Variants in SLC25A33 observed in about 807,000 individuals in gnomAD.
SLC25A33 encodes bone marrow stromal cell mitochondrial carrier protein.
Under a neutral mutation model 35.5 loss-of-function variants are expected in SLC25A33, and 15 were observed. The ratio of observed to expected loss-of-function variants is 0.42; its 90% CI spans 0.28 to 0.65. SLC25A33 has a LOEUF of 0.65. Among genes scored for constraint, SLC25A33 ranks in the 30% least tolerant of loss-of-function variants. SLC25A33 has a pLI of 0.20. For synonymous variants in SLC25A33, 136 were observed against 148.7 expected, an observed-to-expected ratio of 0.91 and a Z score of 0.62; for missense variants, 257 against 398.5, an observed-to-expected ratio of 0.64 and a Z score of 3.02.
intron 1 of SLC25A33, among the ~76,000 whole-genome samples, chr1:9,541,068 G>A (rs2100362905): frequency 6.6e-6 from 1 of 151,478 alleles, no homozygotes; most frequent in East Asian, 1.9e-4. Flanking sequence ...TGCAACTTCC[G>A]CCTCCCGGAT....
intron 2 of SLC25A33, among the ~76,000 whole-genome samples, chr1:9,563,176 G>A (rs1029586087): frequency 1.3e-5 from 2 of 152,094 alleles, no homozygotes; most frequent in African/African-American, 2.4e-5. Flanking sequence ...CGCCCGCCTC[G>A]GCCTCCCAGA....
intron 6 of SLC25A33, 132 bp downstream of exon 6, chr1:9,580,366 A>G (rs532579782): frequency 9.3e-4 from 1,072 of 1,151,264 alleles, no homozygotes; most frequent in Non-Finnish European, 1.2e-3. Context: ...GTATGAGGGA[A>G]ACAGCTCTAA....
At chr1:9,543,111 C>T (rs1396084725) in intron 1 of SLC25A33, among the ~76,000 whole-genome samples, 1 of 151,810 alleles carries the variant, frequency 6.6e-6, no homozygotes, top group Non-Finnish European at 1.5e-5. Flanking sequence ...TGAGCCACCA[C>T]GCCCTGCGTG....
intron 2 of SLC25A33, among the ~76,000 whole-genome samples, chr1:9,563,709 A>C (rs1193770867): frequency 6.6e-6 from 1 of 152,136 alleles, no homozygotes; most frequent in African/African-American, 2.4e-5. Context: ...CATTCTATTA[A>C]CTTTTTTTTT....
intron 1 of SLC25A33, among the ~76,000 whole-genome samples, chr1:9,542,101 G>A (rs1455436166): frequency 6.6e-6 from 1 of 152,152 alleles, no homozygotes; most frequent in Non-Finnish European, 1.5e-5. Context: ...CGGCCAGTGA[G>A]GTGGTCTTTT....
intron 2 of SLC25A33, among the ~76,000 whole-genome samples, chr1:9,560,108 C>A: frequency 6.6e-6 from 1 of 151,832 alleles, no homozygotes; most frequent in African/African-American, 2.4e-5. Context: ...AAAAACCAGC[C>A]GGACATGGCA....
intron 2 of SLC25A33, among the ~76,000 whole-genome samples, chr1:9,564,169 T>C (rs1643465920): frequency 6.6e-6 from 1 of 150,822 alleles, no homozygotes; most frequent in South Asian, 2.1e-4. Flanking sequence ...TGAATAACTG[T>C]GTTGCTGCGG....
At chr1:9,575,704 C>T (rs1474881184) in intron 5 of SLC25A33, among the ~76,000 whole-genome samples, 5 of 152,106 alleles carry the variant, frequency 3.3e-5, no homozygotes, top group Admixed American at 6.6e-5. Flanking sequence ...TCCTAATGAC[C>T]ATGATAACCT....
At chr1:9,557,009 GCACAACC>G (rs1427959900) in intron 2 of SLC25A33, among the ~76,000 whole-genome samples, 2 of 152,108 alleles carry the variant, frequency 1.3e-5, no homozygotes, top group Non-Finnish European at 2.9e-5. Flanking sequence ...CGTGATCTCG[GCACAACC>G]TCCGCCTCCC....
At chr1:9,571,711 C>G (rs1409872671) in intron 4 of SLC25A33, among the ~76,000 whole-genome samples, 2 of 151,934 alleles carry the variant, frequency 1.3e-5, no homozygotes, top group African/African-American at 4.8e-5. Flanking sequence ...GATCTCAGCT[C>G]CCTGCAACCC....
intron 2 of SLC25A33, among the ~76,000 whole-genome samples, chr1:9,562,721 G>C (rs1232372283): frequency 6.6e-6 from 1 of 151,190 alleles, no homozygotes; most frequent in African/African-American, 2.4e-5. Flanking sequence ...GGGCGTAGTG[G>C]CGGGTGCCTG....
chr1:9,564,725 T>TAAAAAAA (rs1553146726), intron 2 of SLC25A33, among the ~76,000 whole-genome samples: 3 of 94,486 alleles, frequency 3.2e-5, no homozygotes, highest in African/African-American at 1.5e-4. Context: ...CGTCTCTATT[T>TAAAAAAA]AAAAAAAAAA....
At chr1:9,563,417 A>G (rs1205836140) in intron 2 of SLC25A33, among the ~76,000 whole-genome samples, 1 of 152,186 alleles carries the variant, frequency 6.6e-6, no homozygotes, top group Non-Finnish European at 1.5e-5. Context: ...TTATACATTC[A>G]GAGAATCTAG....
At chr1:9,541,341 G>T (rs959556040) in intron 1 of SLC25A33, among the ~76,000 whole-genome samples, 1 of 152,142 alleles carries the variant, frequency 6.6e-6, no homozygotes, top group African/African-American at 2.4e-5. Flanking sequence ...AGTAGAGACG[G>T]GGTTTCACCG....
chr1:9,556,153 C>T (rs1050853962), intron 2 of SLC25A33: 22 of 982,412 alleles, frequency 2.2e-5, no homozygotes, highest in Non-Finnish European at 2.7e-5. Flanking sequence ...TGAGAACACT[C>T]CTCCTGCTTT....
chr1:9,554,693 G>A (rs764877713), intron 2 of SLC25A33, among the ~76,000 whole-genome samples: 1 of 152,118 alleles, frequency 6.6e-6, no homozygotes, highest in Non-Finnish European at 1.5e-5. Flanking sequence ...ATTTTTAAAT[G>A]TGTAGAAAAG....
chr1:9,558,858 CCCTCTGCTCAGAT>C (rs1382903825), intron 2 of SLC25A33, among the ~76,000 whole-genome samples: 1 of 152,198 alleles, frequency 6.6e-6, no homozygotes, highest in Non-Finnish European at 1.5e-5. Flanking sequence ...ACCCAGAGAA[CCCTCTGCTCAGAT>C]CCTCTGCTCA....
In SLC25A33 at chr1:9,584,456, G is replaced by A. The variant is rs142123165; in HGVS notation, c.*1955G>A. ...TCTGTCTCTCCCAGGCTGGAGTGCA[G>A]TGGCACAATCTCGGCTCACTACAGC... On this transcript the variant is annotated 3_prime_UTR_variant, in exon 7 of 7. Coordinates refer to ENST00000302692, the MANE Select transcript of SLC25A33 (RefSeq NM_032315.3). The A allele has an allele frequency of 5.7e-3, 874 of 152,474 alleles. 3 individuals are homozygous for A. The highest frequency in any genetic ancestry group is 0.031 in the Middle Eastern group (9 of 294). 9.4% of individuals were successfully genotyped at this position (152,474 alleles called of 1,614,324 possible).
rs1457483156 is a variant in SLC25A33 at position 9,585,052 on chromosome 1, C to A, written c.*2551C>A. 6.6e-6 allele frequency: 1 copy of A among 152,214 alleles called. No individual in the cohort carries two copies. The highest frequency in any genetic ancestry group is 1.5e-5 in the Non-Finnish European group (1 of 68,030). 9.4% of individuals were successfully genotyped at this position (152,214 alleles called of 1,614,324 possible). A position where few individuals can be genotyped will look rare whatever the true frequency, so the allele number is the denominator to read the frequency against. On this transcript the variant is annotated 3_prime_UTR_variant, in exon 7 of 7. Transcript: ENST00000302692. ...TTTTAATATTCATATTCGATGATGG[C>A]ACTTAGCAACATCCTCCTATATCCA...
Sources: allele counts gnomAD v4.1 joint callset (sites outside exome capture counted in the v4.1 genomes callset), GRCh38; gene constraint gnomAD v4.1.1; transcripts MANE v1.5; gene names NCBI Gene and HGNC (gene_info 2026-07-23, HGNC 2026-07-21).